SETBP1: variants seen among roughly 807,000 people sequenced by gnomAD.
SETBP1 encodes SET-binding protein.
A neutral mutation model predicts 101.0 loss-of-function variants in SETBP1; 9 were observed. The ratio of observed to expected loss-of-function variants is 0.09; its 90% CI spans 0.05 to 0.16. The LOEUF is 0.16. SETBP1 is among the 10% of genes least tolerant of loss of function. SETBP1 has a pLI of 1.00. For synonymous variants in SETBP1, 818 were observed against 788.5 expected, an observed-to-expected ratio of 1.04 and a Z score of -0.63; for missense variants, 1,858 against 2,033.8, an observed-to-expected ratio of 0.91 and a Z score of 1.66.
At chr18:44,940,885 T>G (rs910567701) in intron 3 of SETBP1, among the ~76,000 whole-genome samples, 1 of 152,198 alleles carries the variant, frequency 6.6e-6, no homozygotes, top group African/African-American at 2.4e-5. Flanking sequence ...TTCTTTTACA[T>G]ATCTTGTAAT....
At chr18:44,937,223 C>T (rs921511442) in intron 3 of SETBP1, among the ~76,000 whole-genome samples, 6 of 151,790 alleles carry the variant, frequency 4.0e-5, no homozygotes, top group African/African-American at 1.2e-4. Flanking sequence ...GAGGCCGAGG[C>T]GGGCGGATCA....
intron 2 of SETBP1, among the ~76,000 whole-genome samples, chr18:44,801,649 G>C (rs2071610479): frequency 6.6e-6 from 1 of 152,138 alleles, no homozygotes; most frequent in South Asian, 2.1e-4. Context: ...ATGGTTGAAT[G>C]ACTTTTGAAG....
intron 4 of SETBP1, among the ~76,000 whole-genome samples, chr18:45,021,684 AG>A (rs2145421012): frequency 6.6e-6 from 1 of 152,358 alleles, no homozygotes; most frequent in South Asian, 2.1e-4. Context: ...TCACATTTGC[AG>A]AATACATACA....
intron 1 of SETBP1, among the ~76,000 whole-genome samples, chr18:44,690,687 C>A (rs1309070802): frequency 6.6e-6 from 1 of 152,196 alleles, no homozygotes; most frequent in Non-Finnish European, 1.5e-5. Context: ...AATCCCTCAA[C>A]TTTAATTTTC....
At chr18:44,799,672 A>C (rs2071560651) in intron 2 of SETBP1, among the ~76,000 whole-genome samples, 1 of 152,124 alleles carries the variant, frequency 6.6e-6, no homozygotes, top group Non-Finnish European at 1.5e-5. Flanking sequence ...GGGGATGCGG[A>C]GCTAAAAAGA....
At chr18:44,924,034 A>T (rs2070641527) in intron 3 of SETBP1, among the ~76,000 whole-genome samples, 1 of 152,018 alleles carries the variant, frequency 6.6e-6, no homozygotes, top group Middle Eastern at 3.2e-3. Flanking sequence ...CTCTTGCCAA[A>T]TTTTCTGCTT....
chr18:44,922,361 GC>G (rs1443391281), intron 3 of SETBP1, among the ~76,000 whole-genome samples: 1 of 152,216 alleles, frequency 6.6e-6, no homozygotes, highest in Non-Finnish European at 1.5e-5. Flanking sequence ...ACAAGAACTT[GC>G]ACCTGCAAAA....
chr18:44,926,824 C>G (rs1042111724), intron 3 of SETBP1, among the ~76,000 whole-genome samples: 1 of 152,168 alleles, frequency 6.6e-6, no homozygotes, highest in Non-Finnish European at 1.5e-5. Flanking sequence ...AGCCATCAAG[C>G]TAAGCAAAAG....
At chr18:44,805,417 T>G (rs1308569100) in intron 2 of SETBP1, among the ~76,000 whole-genome samples, 1 of 151,646 alleles carries the variant, frequency 6.6e-6, no homozygotes, top group Non-Finnish European at 1.5e-5. Flanking sequence ...TGTGTGTGTG[T>G]GTGTGTGTGT....
intron 3 of SETBP1, among the ~76,000 whole-genome samples, chr18:44,880,254 T>C (rs922993762): frequency 6.6e-5 from 10 of 152,104 alleles, no homozygotes; most frequent in African/African-American, 2.4e-4. Context: ...TAATGGGGCA[T>C]TGGGGGAGTG....
Position 44,688,396 on chromosome 18 carries a change from T to C in SETBP1, c.-173+7375T>C, listed in dbSNP as rs139252476. Among the ~76,000 whole-genome samples the C allele has an allele frequency of 3.9e-3, 590 of 152,188 alleles. 3 individuals are homozygous for C. Among genetic ancestry groups the C allele is most frequent in the Non-Finnish European group, 6.7e-3 (456 of 68,014 alleles). On this transcript the variant is annotated intron_variant, in intron 1 of 5. Transcript: ENST00000649279. Reference sequence around the variant, plus strand: ...CACCAATGTGCTTGTAGCAGACTAATGAAATCTGCGTGGCAAGTCCTGTAC... The same window carrying C: ...CACCAATGTGCTTGTAGCAGACTAACGAAATCTGCGTGGCAAGTCCTGTAC...
chr18:44,779,429 G>A (rs1231820404), intron 2 of SETBP1, among the ~76,000 whole-genome samples: 1 of 152,206 alleles, frequency 6.6e-6, no homozygotes, highest in Non-Finnish European at 1.5e-5. Flanking sequence ...CACATGTCAT[G>A]CAGTACAGAT....
At chr18:44,803,785 C>T (rs2071663483) in intron 2 of SETBP1, among the ~76,000 whole-genome samples, 1 of 152,070 alleles carries the variant, frequency 6.6e-6, no homozygotes, top group Non-Finnish European at 1.5e-5. Flanking sequence ...ACTTTATCCA[C>T]CTCTAAACAG....
intron 2 of SETBP1, among the ~76,000 whole-genome samples, chr18:44,827,270 AG>A (rs1467639019): frequency 6.6e-6 from 1 of 152,218 alleles, no homozygotes; most frequent in African/African-American, 2.4e-5. Flanking sequence ...CAAAAACAAA[AG>A]CTTGTGACGA....
intron 3 of SETBP1, among the ~76,000 whole-genome samples, chr18:44,898,076 C>G (rs895622427): frequency 6.6e-6 from 1 of 152,170 alleles, no homozygotes; most frequent in Admixed American, 6.5e-5. Context: ...TAAACTCACT[C>G]AGGGCTCTTT....
At chr18:44,849,840 A>G (rs1034157980) in intron 2 of SETBP1, among the ~76,000 whole-genome samples, 2 of 152,226 alleles carry the variant, frequency 1.3e-5, no homozygotes, top group African/African-American at 4.8e-5. Flanking sequence ...CAAGATTTAT[A>G]TGATGCACCT....
intron 2 of SETBP1, among the ~76,000 whole-genome samples, chr18:44,784,321 T>C (rs1374296528): frequency 6.6e-6 from 1 of 152,034 alleles, no homozygotes; most frequent in Non-Finnish European, 1.5e-5. Context: ...GGACAAAGGA[T>C]TTTTTTTCTT....
At chr18:44,839,006 C>T (rs1007494175) in intron 2 of SETBP1, among the ~76,000 whole-genome samples, 1 of 151,816 alleles carries the variant, frequency 6.6e-6, no homozygotes, top group African/African-American at 2.4e-5. Flanking sequence ...GATACACACT[C>T]AACTGTCGGT....
chr18:44,682,958 CG>C (rs774216913), intron 1 of SETBP1, among the ~76,000 whole-genome samples: 4 of 151,374 alleles, frequency 2.6e-5, no homozygotes, highest in Admixed American at 1.3e-4. Context: ...GAAAGGGACT[CG>C]TCTCTCTTAG....
Sources: allele counts gnomAD v4.1 joint callset (sites outside exome capture counted in the v4.1 genomes callset), GRCh38; gene constraint gnomAD v4.1.1; transcripts MANE v1.5; gene names NCBI Gene and HGNC (gene_info 2026-07-23, HGNC 2026-07-21).